The following PARD3 variants were observed in gnomAD, a reference collection of about 807,000 sequenced individuals.
The protein encoded by PARD3 is partitioning defective 3 homolog.
Under a neutral mutation model 155.4 loss-of-function variants are expected in PARD3, and 75 were observed. The observed-to-expected ratio is 0.48, with a 90% confidence interval of 0.40 to 0.58. PARD3 has a LOEUF of 0.58. PARD3 is among the 20% of genes least tolerant of loss of function. The pLI, the probability that PARD3 is intolerant of heterozygous loss-of-function variation, is 0.00. For missense variants in PARD3, 1,642 were observed against 1,721.7 expected (o/e 0.95, Z 0.82); for synonymous variants, 576 against 610.5 (o/e 0.94, Z 0.83).
intron 14 of PARD3, among the ~76,000 whole-genome samples, chr10:34,349,639 A>C (rs1260827614): frequency 1.3e-5 from 2 of 150,696 alleles, no homozygotes; most frequent in Admixed American, 1.3e-4. Flanking sequence ...TATACCATTA[A>C]GAACAAGTAT....
rs1374924870 is a variant in PARD3 at position 34,143,590 on chromosome 10, T to TTTTTTTAAACA, written c.3420-12008_3420-12007insTGTTTAAAAAA. Among the ~76,000 whole-genome samples the TTTTTTTAAACA allele has an allele frequency of 2.6e-5, 4 of 152,170 alleles. No homozygotes were observed. The South Asian group carries it at 6.2e-4, about 24-fold the overall frequency. ...AAACACTATACGAAACTAAGCTATGTTTTTTTAAAAGAAAAAATTCCAGTG... is the reference window on the plus strand; with the variant it reads ...AAACACTATACGAAACTAAGCTATGTTTTTTTAAACATTTTTTAAAAGAAAAAATTCCAGTG... On this transcript the variant is annotated intron_variant, in intron 22 of 24. Coordinates refer to ENST00000374788, the MANE Select transcript of PARD3 (RefSeq NM_001184785.2).
chr10:34,353,419 CAA>C (rs1188052504), intron 14 of PARD3, among the ~76,000 whole-genome samples: 1 of 152,174 alleles, frequency 6.6e-6, no homozygotes. Flanking sequence ...ACCTTACCCC[CAA>C]CCCCGTGCTC....
intron 5 of PARD3, among the ~76,000 whole-genome samples, chr10:34,410,782 T>C (rs558020534): frequency 6.6e-6 from 1 of 152,308 alleles, no homozygotes; most frequent in Admixed American, 6.5e-5. Context: ...TCTACAGAGA[T>C]AAGCTGTGGG....
At chr10:34,770,859 G>A (rs1012015555) in intron 1 of PARD3, among the ~76,000 whole-genome samples, 1 of 152,164 alleles carries the variant, frequency 6.6e-6, no homozygotes, top group African/African-American at 2.4e-5. Flanking sequence ...CCGGAAAGGT[G>A]GGCAGCAAAG....
At chr10:34,140,200 G>A (rs183760815) in intron 22 of PARD3, among the ~76,000 whole-genome samples, 165 of 152,216 alleles carry the variant, frequency 1.1e-3, no homozygotes, top group Non-Finnish European at 2.1e-4. Context: ...TTGAAGCAGA[G>A]AGACATGGTC....
At chr10:34,324,698 A>G (rs972823478) in intron 19 of PARD3, among the ~76,000 whole-genome samples, 1 of 152,188 alleles carries the variant, frequency 6.6e-6, no homozygotes, top group African/African-American at 2.4e-5. Flanking sequence ...AAAGCTTGGT[A>G]ATGGAGTGGT....
intron 1 of PARD3, among the ~76,000 whole-genome samples, chr10:34,730,279 CCTCT>C (rs902901418): frequency 6.6e-6 from 1 of 151,942 alleles, no homozygotes; most frequent in Admixed American, 6.6e-5. Flanking sequence ...ACAAATCTCA[CCTCT>C]CTCTCTCCAA....
At chr10:34,459,726 A>G (rs961292288) in intron 4 of PARD3, among the ~76,000 whole-genome samples, 1 of 152,098 alleles carries the variant, frequency 6.6e-6, no homozygotes, top group African/African-American at 2.4e-5. Context: ...TGAATTTAAA[A>G]ACGAATGTAT....
chr10:34,668,279 T>C (rs1465740180), intron 2 of PARD3, among the ~76,000 whole-genome samples: 1 of 152,224 alleles, frequency 6.6e-6, no homozygotes. Flanking sequence ...AAAAAAGTTC[T>C]GTGGTTACTA....
chr10:34,488,432 AC>A (rs2079619989), intron 3 of PARD3, among the ~76,000 whole-genome samples: 1 of 151,848 alleles, frequency 6.6e-6, no homozygotes, highest in Non-Finnish European at 1.5e-5. Flanking sequence ...GGATCCTCCC[AC>A]CCCTGCCTCC....
chr10:34,484,507 TAACA>T (rs764651349), intron 3 of PARD3, among the ~76,000 whole-genome samples: 7 of 152,218 alleles, frequency 4.6e-5, no homozygotes, highest in Non-Finnish European at 8.8e-5. Context: ...AGTACTCAAC[TAACA>T]TAGTTTTTGT....
chr10:34,361,795 A>C (rs899763886), intron 12 of PARD3, among the ~76,000 whole-genome samples: 14 of 152,118 alleles, frequency 9.2e-5, no homozygotes, highest in Non-Finnish European at 1.9e-4. Context: ...TTTTAAAGAC[A>C]AGTAACACTT....
At chr10:34,792,184 A>C (rs571484738) in intron 1 of PARD3, among the ~76,000 whole-genome samples, 46 of 152,044 alleles carry the variant, frequency 3.0e-4, no homozygotes, top group Non-Finnish European at 4.9e-4. Context: ...CTCTTTGCGG[A>C]GCTCTCTGGC....
chr10:34,387,877 T>G (rs1046769301), intron 7 of PARD3, among the ~76,000 whole-genome samples: 1 of 152,218 alleles, frequency 6.6e-6, no homozygotes, highest in Non-Finnish European at 1.5e-5. Flanking sequence ...TCTTGAATGG[T>G]TGTCTTTCTA....
At chr10:34,571,257 G>A (rs967286951) in intron 2 of PARD3, among the ~76,000 whole-genome samples, 5 of 152,114 alleles carry the variant, frequency 3.3e-5, no homozygotes, top group East Asian at 3.9e-4. Context: ...ACAACTGTGG[G>A]GAGCTATGAT....
intron 22 of PARD3, among the ~76,000 whole-genome samples, chr10:34,148,078 T>C (rs557690148): frequency 1.2e-3 from 177 of 152,008 alleles, no homozygotes; most frequent in African/African-American, 4.1e-3. Flanking sequence ...AATGATGTGT[T>C]TGGAAGCATC....
chr10:34,605,896 A>C lies in PARD3; in HGVS notation c.223-88737T>G, dbSNP rs190855319. On this transcript the variant is annotated intron_variant, in intron 2 of 24. Transcript: ENST00000374788. ...CTATATATATATCTCCTATATATAT[A>C]TCTCCTATATATATATCTCCTATAT... Among the ~76,000 whole-genome samples, 8 of 98,974 alleles carry C rather than the reference A, an allele frequency of 8.1e-5. 1 individual carries two copies. The highest frequency in any genetic ancestry group is 1.1e-4 in the Non-Finnish European group (6 of 53,654). The allele number at this position is 98,974 out of a possible 152,430, so 64.9% of individuals were successfully genotyped here. A position where few individuals can be genotyped will look rare whatever the true frequency, so the allele number is the denominator to read the frequency against.
intron 7 of PARD3, among the ~76,000 whole-genome samples, chr10:34,390,957 G>C (rs1443539895): frequency 6.6e-6 from 1 of 152,146 alleles, no homozygotes; most frequent in African/African-American, 2.4e-5. Flanking sequence ...AATTACAATA[G>C]AGAATGTCAA....
intron 1 of PARD3, among the ~76,000 whole-genome samples, chr10:34,751,379 C>T (rs996807413): frequency 4.6e-5 from 7 of 152,194 alleles, no homozygotes; most frequent in African/African-American, 1.7e-4. Flanking sequence ...ATTAATCTGC[C>T]ATGCTGACTT....
Sources: gnomAD v4.1 joint callset for allele counts (sites outside exome capture counted in the v4.1 genomes callset) on GRCh38, gnomAD v4.1.1 for gene constraint, MANE v1.5 for transcripts, NCBI Gene and HGNC (gene_info 2026-07-23, HGNC 2026-07-21) for gene names.